The following STXBP5 variants were observed in gnomAD, a reference collection of about 807,000 sequenced individuals.
STXBP5 encodes the protein syntaxin-binding protein 5.
In STXBP5, 50 loss-of-function variants were observed where a neutral mutation model predicts 152.4. The ratio of observed to expected loss-of-function variants is 0.33; its 90% CI spans 0.26 to 0.42. The LOEUF (loss-of-function observed/expected upper bound fraction) is 0.42, where lower values mean the gene tolerates loss of function less well. STXBP5 is among the 10% of genes least tolerant of loss of function. The pLI is 1.00. For synonymous variants in STXBP5, 492 were observed against 494.7 expected (o/e 0.99, Z 0.07); for missense variants, 1,167 against 1,388.6 (o/e 0.84, Z 2.54).
Position 147,262,367 on chromosome 6 carries a change from T to C in STXBP5, c.630+14T>C. 1.4e-6 allele frequency: 2 copies of C among 1,471,800 alleles called. No homozygotes were observed. The highest frequency in any genetic ancestry group is 1.8e-6 in the Non-Finnish European group (2 of 1,085,748). 91.2% of individuals were successfully genotyped at this position (1,471,800 alleles called of 1,614,324 possible). Reference sequence around the variant, plus strand: ...GACGAGGGAAAGGTAGAATTTTTTGTAAAAAATTATATATTAAATGCACAA... The same window carrying C: ...GACGAGGGAAAGGTAGAATTTTTTGCAAAAAATTATATATTAAATGCACAA... On this transcript the variant is annotated intron_variant, in intron 6 of 27. Coordinates refer to ENST00000321680, the MANE Select transcript of STXBP5 (RefSeq NM_001127715.4).
chr6:147,222,993 G>A (rs955609300), intron 2 of STXBP5, among the ~76,000 whole-genome samples: 6 of 152,234 alleles, frequency 3.9e-5, no homozygotes, highest in African/African-American at 1.4e-4. Flanking sequence ...GTATCCACCT[G>A]TCTGTCTTTC....
chr6:147,244,177 G>A (rs1055814574), intron 4 of STXBP5, among the ~76,000 whole-genome samples: 31 of 152,138 alleles, frequency 2.0e-4, no homozygotes, highest in African/African-American at 7.2e-4. Flanking sequence ...GATGTGCATA[G>A]GCTATATGCA....
In STXBP5 at chr6:147,387,250, A is replaced by G. The variant is rs896783223; in HGVS notation, c.*2495A>G. 1.3e-5 allele frequency: 2 copies of G among 151,620 alleles called. No individual in the cohort carries two copies. The highest frequency in any genetic ancestry group is 3.0e-5 in the Non-Finnish European group (2 of 67,676). 9.4% of individuals were successfully genotyped at this position (151,620 alleles called of 1,614,324 possible). A position where few individuals can be genotyped will look rare whatever the true frequency, so the allele number is the denominator to read the frequency against. ...CTGTAATTTGAGAGGTAACATCTCT[A>G]TTTTTTTCTTTTTAAATACAGAAAG... On this transcript the variant is annotated 3_prime_UTR_variant, in exon 28 of 28. Transcript: ENST00000321680.
At chr6:147,340,723 TG>T (rs1784051198) in intron 21 of STXBP5, among the ~76,000 whole-genome samples, 1 of 152,098 alleles carries the variant, frequency 6.6e-6, no homozygotes, top group Non-Finnish European at 1.5e-5. Flanking sequence ...TATTTTGTGC[TG>T]GGGTTCTATT....
chr6:147,248,530 TGTTA>T (rs1002741733), intron 4 of STXBP5, among the ~76,000 whole-genome samples: 4 of 152,160 alleles, frequency 2.6e-5, no homozygotes, highest in African/African-American at 9.7e-5. Flanking sequence ...ATGGCTAAAA[TGTTA>T]GTTAGATTGT....
chr6:147,290,579 GTC>G (rs1466202229), intron 8 of STXBP5, among the ~76,000 whole-genome samples: 17 of 152,262 alleles, frequency 1.1e-4, no homozygotes, highest in African/African-American at 2.6e-4. Flanking sequence ...GGCAAAATGA[GTC>G]TCTGACACAT....
At chr6:147,380,657 A>G (rs1008383177) in intron 26 of STXBP5, among the ~76,000 whole-genome samples, 1 of 151,994 alleles carries the variant, frequency 6.6e-6, no homozygotes, top group Non-Finnish European at 1.5e-5. Context: ...AAAAAAAAAG[A>G]TTGATTGGAA....
At chr6:147,259,725 C>T (rs549970797) in intron 4 of STXBP5, among the ~76,000 whole-genome samples, 2 of 150,418 alleles carry the variant, frequency 1.3e-5, no homozygotes, top group African/African-American at 2.4e-5. Flanking sequence ...TTCTGAGAGA[C>T]GAAATGGGGG....
intron 22 of STXBP5, among the ~76,000 whole-genome samples, chr6:147,358,331 A>C (rs747401941): frequency 2.6e-5 from 4 of 152,262 alleles, no homozygotes; most frequent in Non-Finnish European, 4.4e-5. Context: ...CCAGTCATGG[A>C]TTGTATTACC....
chr6:147,205,379 T>C (rs1216230881), intron 1 of STXBP5, among the ~76,000 whole-genome samples: 3 of 149,892 alleles, frequency 2.0e-5, no homozygotes, highest in East Asian at 3.9e-4. Flanking sequence ...TGCATATATA[T>C]ATATATATAT....
intron 19 of STXBP5, among the ~76,000 whole-genome samples, chr6:147,335,464 G>A (rs1783777350): frequency 6.6e-6 from 1 of 152,114 alleles, no homozygotes. Context: ...TGGAACATGT[G>A]ATATATTACA....
chr6:147,213,434 A>ATGTGTGTG (rs1159372834), intron 2 of STXBP5, among the ~76,000 whole-genome samples: 1,224 of 85,478 alleles, frequency 0.014, 17 homozygotes, highest in South Asian at 0.024. Flanking sequence ...AATTTTATAT[A>ATGTGTGTG]TGTGTGTGTG....
At position 147,291,152 on chromosome 6, in the gene STXBP5, A is replaced by G. The variant is rs752930896; in HGVS notation, c.897A>G (p.Glu299=). Residue 299 remains glutamate, a synonymous_variant, in exon 9 of 28, where the codon GAA becomes GAG. Coordinates refer to ENST00000321680, the MANE Select transcript of STXBP5 (RefSeq NM_001127715.4). The part of the protein sequence containing the change: ...PEPCKPILKV[E]FKTTRSGEPF... Reference sequence around the variant, plus strand: ...CATGCAAACCTATCCTCAAGGTGGAATTCAAAACGACTAGATCTGGGTAAG... The same window carrying G: ...CATGCAAACCTATCCTCAAGGTGGAGTTCAAAACGACTAGATCTGGGTAAG... The G allele has an allele frequency of 1.2e-6, 2 of 1,612,838 alleles. No individual in the cohort carries two copies. The highest frequency in any genetic ancestry group is 3.3e-5 in the Admixed American group (2 of 59,944).
At chr6:147,326,396 A>C (rs1033292966) in intron 17 of STXBP5, among the ~76,000 whole-genome samples, 5 of 152,136 alleles carry the variant, frequency 3.3e-5, no homozygotes, top group African/African-American at 9.7e-5. Flanking sequence ...CCATACTTAG[A>C]GCTCCAACTT....
intron 6 of STXBP5, among the ~76,000 whole-genome samples, chr6:147,264,326 C>A (rs1376769601): frequency 1.3e-5 from 2 of 151,962 alleles, no homozygotes; most frequent in East Asian, 3.8e-4. Flanking sequence ...GAATAGCTAC[C>A]ATTTATTTAA....
intron 9 of STXBP5, chr6:147,293,284 CA>C (rs1195562331): frequency 6.6e-6 from 1 of 152,202 alleles, no homozygotes; most frequent in Non-Finnish European, 1.5e-5. Flanking sequence ...TTAACTGGAT[CA>C]GTAAGATCAC....
chr6:147,290,994 G>A, intron 8 of STXBP5, 100 bp from the exon 9 acceptor site: 1 of 832,240 alleles, frequency 1.2e-6, no homozygotes, highest in Non-Finnish European at 1.8e-6. Context: ...ATGTTTCATG[G>A]TGGATTTCAT....
intron 26 of STXBP5, 61 bp downstream of exon 26, chr6:147,373,903 A>AT (rs1204630265): frequency 8.0e-7 from 1 of 1,248,158 alleles, no homozygotes; most frequent in Non-Finnish European, 1.1e-6. Context: ...CCATACAAAA[A>AT]TTTTTTTATA....
chr6:147,309,121 A>G (rs1782241673), intron 9 of STXBP5, among the ~76,000 whole-genome samples: 1 of 152,158 alleles, frequency 6.6e-6, no homozygotes, highest in Non-Finnish European at 1.5e-5. Flanking sequence ...ACTTTTAACC[A>G]TTAGATATTA....
Sources: gnomAD v4.1 joint callset for allele counts (sites outside exome capture counted in the v4.1 genomes callset) on GRCh38, gnomAD v4.1.1 for gene constraint, MANE v1.5 for transcripts, NCBI Gene and HGNC (gene_info 2026-07-23, HGNC 2026-07-21) for gene names.